The following XXYLT1 variants were observed in gnomAD, a reference collection of about 807,000 sequenced individuals.
The protein encoded by XXYLT1 is xyloside xylosyltransferase 1.
In XXYLT1, 20 loss-of-function variants were observed where a neutral mutation model predicts 28.9. That is an observed-to-expected ratio of 0.69 (90% CI 0.49 to 1.00). XXYLT1 has a LOEUF of 1.00. XXYLT1 is among the 50% of genes least tolerant of loss of function. The pLI is 0.00. For synonymous variants in XXYLT1, 257 were observed against 253.8 expected (o/e 1.01, Z -0.12); for missense variants, 542 against 560.1 (o/e 0.97, Z 0.33).
intron 1 of XXYLT1, among the ~76,000 whole-genome samples, chr3:195,233,734 A>G (rs547964649): frequency 1.3e-5 from 2 of 152,074 alleles, no homozygotes; most frequent in African/African-American, 4.8e-5. Context: ...ATTATTTTTG[A>G]TTGGTTTATC....
At position 195,070,026 on chromosome 3, in the gene XXYLT1, C is replaced by T. The variant is rs1344558032; in HGVS notation, c.871G>A (p.Gly291Arg). The T allele has an allele frequency of 3.1e-6, 5 of 1,603,190 alleles. No homozygotes were observed. The highest frequency in any genetic ancestry group is 2.2e-5 in the East Asian group (1 of 44,882). Residue 291 changes from glycine (G) to arginine (R), a missense_variant, in exon 4 of 4, where the codon GGG (glycine) becomes AGG (arginine). Transcript: ENST00000310380. The part of the protein sequence containing the change: ...PPEGLPGFNS[G>R]VMLLNLEAMR... ...GCCTCCAGGTTCAGCAACATCACCC[C>T]GCTGTTGAAGCCCGGCAGCCCCTCG...
chr3:195,152,398 T>C (rs1282262519), intron 3 of XXYLT1: 1 of 152,512 alleles, frequency 6.6e-6, no homozygotes, highest in Non-Finnish European at 1.5e-5. Context: ...AGCGCTATGA[T>C]TTCCAGATGG....
chr3:195,246,999 ACT>A (rs1725049471), intron 1 of XXYLT1, among the ~76,000 whole-genome samples: 1 of 152,102 alleles, frequency 6.6e-6, no homozygotes, highest in South Asian at 2.1e-4. Context: ...ACTAAAGAAT[ACT>A]CTGAGTGAAC....
At chr3:195,236,835 C>A (rs1303957576) in intron 1 of XXYLT1, among the ~76,000 whole-genome samples, 1 of 151,530 alleles carries the variant, frequency 6.6e-6, no homozygotes, top group African/African-American at 2.4e-5. Flanking sequence ...TTACTGGGTC[C>A]TTCCCTTCAG....
intron 3 of XXYLT1, among the ~76,000 whole-genome samples, chr3:195,137,424 A>G (rs1435366827): frequency 6.6e-6 from 1 of 152,196 alleles, no homozygotes; most frequent in African/African-American, 2.4e-5. Context: ...TGCACCATGG[A>G]TAAGAGCACA....
chr3:195,172,104 T>G (rs966304606), intron 2 of XXYLT1, among the ~76,000 whole-genome samples: 1 of 152,216 alleles, frequency 6.6e-6, no homozygotes, highest in Admixed American at 6.5e-5. Flanking sequence ...AGTACCATCA[T>G]GATGGTTGGT....
intron 2 of XXYLT1, among the ~76,000 whole-genome samples, chr3:195,199,665 G>T (rs561519352): frequency 1.3e-5 from 2 of 152,236 alleles, no homozygotes; most frequent in Non-Finnish European, 2.9e-5. Context: ...GAGCTAAGGA[G>T]TCTCATAGGG....
At chr3:195,082,325 C>A (rs571033906) in intron 3 of XXYLT1, among the ~76,000 whole-genome samples, 6 of 152,272 alleles carry the variant, frequency 3.9e-5, no homozygotes, top group Non-Finnish European at 8.8e-5. Flanking sequence ...CAGGCGTTTG[C>A]CTCCCCGTCA....
chr3:195,174,005 G>A (rs1245849366), intron 2 of XXYLT1, among the ~76,000 whole-genome samples: 1 of 152,230 alleles, frequency 6.6e-6, no homozygotes, highest in Non-Finnish European at 1.5e-5. Flanking sequence ...TCAGAGGATG[G>A]AGAGGAAGCT....
chr3:195,072,605 G>T (rs1714886692), intron 3 of XXYLT1, among the ~76,000 whole-genome samples: 1 of 152,172 alleles, frequency 6.6e-6, no homozygotes, highest in African/African-American at 2.4e-5. Flanking sequence ...ATTTGATGAT[G>T]GTCAGAAAGG....
intron 2 of XXYLT1, among the ~76,000 whole-genome samples, chr3:195,222,030 C>T (rs923624143): frequency 2.6e-5 from 4 of 152,194 alleles, no homozygotes; most frequent in African/African-American, 7.2e-5. Flanking sequence ...TCTGGGCGCT[C>T]CTGCTCCAAG....
intron 1 of XXYLT1, among the ~76,000 whole-genome samples, chr3:195,227,215 C>T (rs943335892): frequency 1.3e-5 from 2 of 152,122 alleles, no homozygotes; most frequent in African/African-American, 4.8e-5. Context: ...CTGTGCCCAG[C>T]GACTGGAAAC....
At chr3:195,083,683 C>T (rs755511212) in intron 3 of XXYLT1, among the ~76,000 whole-genome samples, 21 of 152,202 alleles carry the variant, frequency 1.4e-4, no homozygotes, top group Non-Finnish European at 2.2e-4. Context: ...CAACTACCTA[C>T]GGTCAGTATT....
At position 195,110,275 on chromosome 3, in the gene XXYLT1, T is replaced by TATAA. The variant is rs1717502941; in HGVS notation, c.786-40165_786-40164insTTAT. Among the ~76,000 whole-genome samples, 7 of 92,082 alleles carry TATAA rather than the reference T, an allele frequency of 7.6e-5. 1 individual carries two copies. Among genetic ancestry groups the TATAA allele is most frequent in the African/African-American group, 1.3e-4 (3 of 22,828 alleles). The allele number at this position is 92,082 out of a possible 152,430, so 60.4% of individuals were successfully genotyped here. ...GTGAAGTGTGTGTGGGTGTGTGGTG[T>TATAA]GTGTGGGGTGTATGTGTGCGTGTGT... On this transcript the variant is annotated intron_variant, in intron 3 of 3. Transcript: ENST00000310380.
At position 195,240,768 on chromosome 3, in the gene XXYLT1, T is replaced by C. The variant is rs912909516; in HGVS notation, c.505-13912A>G. Among the ~76,000 whole-genome samples the C allele has an allele frequency of 2.0e-5, 3 of 152,138 alleles. No individual in the cohort carries two copies. Among genetic ancestry groups the C allele is most frequent in the African/African-American group, 7.2e-5 (3 of 41,434 alleles). ...GGCACACTCTACCCAAGTCCAGCAA[T>C]CCTGGTGCCCCTGCCAATGCTGAAT... is the stretch of plus-strand genomic sequence containing the variant. On this transcript the variant is annotated intron_variant, in intron 1 of 3. Coordinates refer to ENST00000310380, the MANE Select transcript of XXYLT1 (RefSeq NM_152531.5). The surrounding 1 kb of genome is among the most constrained non-coding windows in gnomAD (Gnocchi z 4.7).
chr3:195,194,688 C>T lies in XXYLT1; in HGVS notation c.652+32021G>A, dbSNP rs573475327. On this transcript the variant is annotated intron_variant, in intron 2 of 3. Transcript: ENST00000310380. ...TCAACTAACAAACACACGAACAAAA[C>T]GTGGGACAGCCACACAATGGAACAC... Among the ~76,000 whole-genome samples the T allele has an allele frequency of 5.6e-4, 85 of 152,168 alleles. 2 individuals are homozygous for T. In the South Asian group the frequency reaches 0.015, roughly 26 times the overall value.
chr3:195,211,955 C>A (rs548991063), intron 2 of XXYLT1, among the ~76,000 whole-genome samples: 1 of 145,360 alleles, frequency 6.9e-6, no homozygotes, highest in South Asian at 2.3e-4. Flanking sequence ...CACGGAATGC[C>A]ACCAGGAAGA....
At chr3:195,229,397 C>A (rs1367927470) in intron 1 of XXYLT1, among the ~76,000 whole-genome samples, 1 of 152,100 alleles carries the variant, frequency 6.6e-6, no homozygotes, top group Non-Finnish European at 1.5e-5. Context: ...TACAAACAAT[C>A]CAATTATTTT....
chr3:195,112,125 T>C (rs1041622048), intron 3 of XXYLT1, among the ~76,000 whole-genome samples: 1 of 152,170 alleles, frequency 6.6e-6, no homozygotes, highest in Non-Finnish European at 1.5e-5. Flanking sequence ...ATAATTATTC[T>C]TAAAACCCAC....
Sources: gnomAD v4.1 joint callset for allele counts (sites outside exome capture counted in the v4.1 genomes callset) on GRCh38, gnomAD v4.1.1 for gene constraint, Gnocchi (gnomAD v3.1) non-coding constraint, MANE v1.5 for transcripts, NCBI Gene and HGNC (gene_info 2026-07-23, HGNC 2026-07-21) for gene names.